The following UNC5D variants were observed in gnomAD, a reference collection of about 807,000 sequenced individuals.
The protein encoded by UNC5D is unc-5 netrin receptor D.
A neutral mutation model predicts 105.4 loss-of-function variants in UNC5D; 39 were observed. The ratio of observed to expected loss-of-function variants is 0.37; its 90% CI spans 0.29 to 0.48. The LOEUF (loss-of-function observed/expected upper bound fraction) is 0.48, where lower values mean the gene tolerates loss of function less well. Among genes scored for constraint, UNC5D ranks in the 20% least tolerant of loss-of-function variants. The pLI is 0.98. For missense variants in UNC5D, 991 were observed against 1,202.4 expected (o/e 0.82, Z 2.60); for synonymous variants, 452 against 450.4 (o/e 1.00, Z -0.04).
At chr8:35,446,881 G>T (rs893213538) in intron 1 of UNC5D, among the ~76,000 whole-genome samples, 1 of 152,072 alleles carries the variant, frequency 6.6e-6, no homozygotes, top group Non-Finnish European at 1.5e-5. Context: ...AGGGAAGACT[G>T]AAACTAATAT....
chr8:35,459,837 TA>T (rs1808763175), intron 1 of UNC5D, among the ~76,000 whole-genome samples: 3 of 152,200 alleles, frequency 2.0e-5, no homozygotes, highest in Admixed American at 2.0e-4. Flanking sequence ...CATATATTTT[TA>T]GCTTGATTTT....
chr8:35,297,079 T>C (rs1357807880), intron 1 of UNC5D, among the ~76,000 whole-genome samples: 2 of 152,218 alleles, frequency 1.3e-5, no homozygotes, highest in Non-Finnish European at 2.9e-5. Flanking sequence ...AGCTCTTCAG[T>C]GGAAAACTTA....
In UNC5D at chr8:35,283,510, C is replaced by G. The variant is rs576911061; in HGVS notation, c.103+47623C>G. ...GGCATGGTGGCTCACACCTGTAATC[C>G]CAGCACTTTGGGAGGCCAGGGCAGG... On this transcript the variant is annotated intron_variant, in intron 1 of 16. Coordinates refer to ENST00000404895, the MANE Select transcript of UNC5D (RefSeq NM_080872.4). Among the ~76,000 whole-genome samples, 3 of 152,208 alleles carry G rather than the reference C, an allele frequency of 2.0e-5. No homozygotes were observed. In the South Asian group the frequency reaches 6.2e-4, roughly 32 times the overall value.
intron 1 of UNC5D, among the ~76,000 whole-genome samples, chr8:35,364,793 T>C (rs1020365276): frequency 6.6e-6 from 1 of 152,198 alleles, no homozygotes; most frequent in African/African-American, 2.4e-5. Context: ...TCTTTATTTC[T>C]AACTCTTTTC....
intron 8 of UNC5D, chr8:35,721,455 G>A (rs1182164546): frequency 2.8e-6 from 2 of 702,914 alleles, no homozygotes; most frequent in Non-Finnish European, 5.2e-6. Context: ...CATTCAATAG[G>A]ATGGAGTAGG....
intron 1 of UNC5D, among the ~76,000 whole-genome samples, chr8:35,345,251 T>A (rs549356938): frequency 2.8e-4 from 42 of 152,028 alleles, no homozygotes; most frequent in Non-Finnish European, 5.7e-4. Context: ...CTGCTGTGTC[T>A]TCATTTAATG....
At chr8:35,484,735 T>C (rs1366184858) in intron 1 of UNC5D, among the ~76,000 whole-genome samples, 1 of 152,114 alleles carries the variant, frequency 6.6e-6, no homozygotes, top group Non-Finnish European at 1.5e-5. Flanking sequence ...AACAATAAAA[T>C]CTAAAATGAA....
In UNC5D at chr8:35,235,608, G is replaced by T. The variant is rs1039849620; in HGVS notation, c.-177G>T. On this transcript the variant is annotated 5_prime_UTR_variant, in exon 1 of 17. Coordinates refer to ENST00000404895, the MANE Select transcript of UNC5D (RefSeq NM_080872.4). ...CTATGGGGACGCGCCCTTTCTCGGG[G>T]TGCCCATTCAGCGGCGGCTCGGAGC... The T allele has an allele frequency of 4.6e-6, 2 of 432,594 alleles. No homozygotes were observed. Among genetic ancestry groups the T allele is most frequent in the Non-Finnish European group, 7.6e-6 (2 of 261,864 alleles). The allele number at this position is 432,594 out of a possible 1,614,324, so 26.8% of individuals were successfully genotyped here. A position where few individuals can be genotyped will look rare whatever the true frequency, so the allele number is the denominator to read the frequency against.
chr8:35,726,198 G>A lies in UNC5D; in HGVS notation c.1350G>A (p.Val450=). The change falls in exon 10 of 17, where the codon GTG becomes GTA. Residue 450 remains valine (V), a synonymous_variant. Coordinates refer to ENST00000404895, the MANE Select transcript of UNC5D (RefSeq NM_080872.4). ...CTGCCATGCAGCCAGATCTGACAGT[G>A]AGCCGGACATACAGCGGACCCATCT... ...LNSAMQPDLT[V]SRTYSGPICL... The A allele has an allele frequency of 6.2e-7, 1 of 1,613,904 alleles. No homozygotes were observed. The highest frequency in any genetic ancestry group is 8.5e-7 in the Non-Finnish European group (1 of 1,179,834).
At chr8:35,307,449 A>C (rs913259682) in intron 1 of UNC5D, among the ~76,000 whole-genome samples, 1 of 152,152 alleles carries the variant, frequency 6.6e-6, no homozygotes, top group South Asian at 2.1e-4. Context: ...GATATTAAGT[A>C]TTATACGACA....
rs569409228 is a variant in UNC5D at position 35,324,233 on chromosome 8, C to CAAAAAA, written c.103+88362_103+88367dup. Among the ~76,000 whole-genome samples, 26 of 62,800 alleles carry CAAAAAA rather than the reference C, an allele frequency of 4.1e-4. 5 individuals carry two copies. Among genetic ancestry groups the CAAAAAA allele is most frequent in the East Asian group, 2.0e-3 (4 of 1,984 alleles). 41.2% of individuals were successfully genotyped at this position (62,800 alleles called of 152,430 possible). Reference sequence around the variant, plus strand: ...AGGCAACAGAGCAAGACCCTGTCTCCAAAAAAAAAAAAAAAAAAAAAGTGA... The same window carrying CAAAAAA: ...AGGCAACAGAGCAAGACCCTGTCTCCAAAAAAAAAAAAAAAAAAAAAAAAAAAGTGA... On this transcript the variant is annotated intron_variant, in intron 1 of 16. Coordinates refer to ENST00000404895, the MANE Select transcript of UNC5D (RefSeq NM_080872.4).
At chr8:35,282,853 T>C (rs1038162518) in intron 1 of UNC5D, among the ~76,000 whole-genome samples, 1 of 152,148 alleles carries the variant, frequency 6.6e-6, no homozygotes, top group African/African-American at 2.4e-5. Context: ...ATATACTGAT[T>C]AGGGCTTTTT....
At chr8:35,671,936 T>G (rs538771000) in intron 4 of UNC5D, among the ~76,000 whole-genome samples, 3 of 152,202 alleles carry the variant, frequency 2.0e-5, no homozygotes, top group Non-Finnish European at 2.9e-5. Flanking sequence ...AATTTATAAT[T>G]TATGCTAATT....
chr8:35,728,095 A>AAAAAAAAAAAAAAATATATAT (rs34672872), intron 10 of UNC5D, among the ~76,000 whole-genome samples: 2 of 110,364 alleles, frequency 1.8e-5, no homozygotes, highest in African/African-American at 1.1e-4. Flanking sequence ...AAAAAAAAAA[A>AAAAAAAAAAAAAAATATATAT]ATATATATAT....
intron 1 of UNC5D, among the ~76,000 whole-genome samples, chr8:35,420,566 A>G (rs1805832121): frequency 6.6e-6 from 1 of 152,192 alleles, no homozygotes; most frequent in Admixed American, 6.5e-5. Context: ...AGTCTGTGGA[A>G]GCCACAACTC....
At chr8:35,390,437 T>A (rs796385698) in intron 1 of UNC5D, among the ~76,000 whole-genome samples, 9 of 152,262 alleles carry the variant, frequency 5.9e-5, no homozygotes, top group African/African-American at 1.9e-4. Flanking sequence ...CAATGCTCAT[T>A]TTTTTCTAAG....
intron 16 of UNC5D, among the ~76,000 whole-genome samples, chr8:35,776,350 GTAAT>G (rs1156783095): frequency 6.6e-6 from 1 of 152,212 alleles, no homozygotes; most frequent in Non-Finnish European, 1.5e-5. Context: ...CATAGATGCT[GTAAT>G]TAATTTGCTG....
At chr8:35,467,259 G>A (rs1409853258) in intron 1 of UNC5D, among the ~76,000 whole-genome samples, 2 of 152,050 alleles carry the variant, frequency 1.3e-5, no homozygotes, top group Non-Finnish European at 2.9e-5. Flanking sequence ...AATTTCTAAT[G>A]TCCTTTCCTG....
At chr8:35,320,722 A>T (rs557955737) in intron 1 of UNC5D, among the ~76,000 whole-genome samples, 1 of 152,202 alleles carries the variant, frequency 6.6e-6, no homozygotes, top group African/African-American at 2.4e-5. Flanking sequence ...CTGTGCCTGG[A>T]CATCCAAAGG....
Sources: allele counts gnomAD v4.1 joint callset (sites outside exome capture counted in the v4.1 genomes callset), GRCh38; gene constraint gnomAD v4.1.1; transcripts MANE v1.5; gene names NCBI Gene and HGNC (gene_info 2026-07-23, HGNC 2026-07-21).